Variants in MALRD1 observed in about 807,000 individuals in gnomAD.
The protein encoded by MALRD1 is MAM and LDL-receptor class A domain-containing protein 1.
In MALRD1, 247 loss-of-function variants were observed where a neutral mutation model predicts 242.1. That is an observed-to-expected ratio of 1.02 (90% confidence interval 0.92 to 1.13). MALRD1 has a LOEUF of 1.13. Among genes scored for constraint, MALRD1 ranks in the 50% most tolerant of loss-of-function variants. The pLI is 0.00. For synonymous variants in MALRD1, 995 were observed against 866.6 expected (o/e 1.15, Z -2.60); for missense variants, 2,989 against 2,533.1 (o/e 1.18, Z -3.86).
intron 18 of MALRD1, among the ~76,000 whole-genome samples, chr10:19,224,221 C>CT (rs1017914399): frequency 1.3e-4 from 19 of 151,410 alleles, no homozygotes; most frequent in Non-Finnish European, 2.4e-4. Context: ...TGTTTCCTGA[C>CT]TTTTTAATGA....
chr10:19,543,827 G>A (rs992290191), intron 32 of MALRD1, among the ~76,000 whole-genome samples: 1 of 152,118 alleles, frequency 6.6e-6, no homozygotes, highest in African/African-American at 2.4e-5. Flanking sequence ...GCTAAATGAA[G>A]TGTATATTCA....
intron 33 of MALRD1, among the ~76,000 whole-genome samples, chr10:19,581,873 C>T (rs1589264212): frequency 6.6e-6 from 1 of 152,086 alleles, no homozygotes; most frequent in East Asian, 1.9e-4. Context: ...ACATCCTCTC[C>T]AGCACCTGTT....
chr10:19,620,778 A>G lies in MALRD1; in HGVS notation c.6137+4855A>G, dbSNP rs181151752. Among the ~76,000 whole-genome samples, 313 of 152,164 alleles carry G rather than the reference A, an allele frequency of 2.1e-3. 2 individuals are homozygous for G. The highest frequency in any genetic ancestry group is 6.2e-3 in the African/African-American group (257 of 41,566). On this transcript the variant is annotated intron_variant, in intron 36 of 39. Coordinates refer to ENST00000454679, the MANE Select transcript of MALRD1 (RefSeq NM_001142308.3). ...CAAAATAAATGATGAGTGAATGTAA[A>G]GTCCTGAAATTTCAAAGAAAAGCAT...
At chr10:19,344,109 T>C (rs1844001833) in intron 24 of MALRD1, among the ~76,000 whole-genome samples, 1 of 152,114 alleles carries the variant, frequency 6.6e-6, no homozygotes, top group Non-Finnish European at 1.5e-5. Flanking sequence ...CTTTGGGTTG[T>C]CTTTTTTGTT....
At chr10:19,674,324 G>A (rs758229373) in intron 36 of MALRD1, among the ~76,000 whole-genome samples, 1 of 152,216 alleles carries the variant, frequency 6.6e-6, no homozygotes, top group Middle Eastern at 3.4e-3. Context: ...ATGATTACTC[G>A]GTAGCCAACA....
Position 19,531,349 on chromosome 10 carries a change from A to C in MALRD1, c.5476A>C (p.Lys1826Gln). 6.5e-7 allele frequency: 1 copy of C among 1,527,166 alleles called. No individual in the cohort carries two copies. The highest frequency in any genetic ancestry group is 8.8e-7 in the Non-Finnish European group (1 of 1,131,702). 94.6% of individuals were successfully genotyped at this position (1,527,166 alleles called of 1,614,324 possible). ...TGATCCCAGGAGTATGGGAATATTA[A>C]AGGTACAAAAGGAAGCCAGAGATTT... ...MIDPRSMGILKVYTIEESGLN... is the reference protein window; with the variant it reads ...MIDPRSMGILQVYTIEESGLN... The change falls in exon 32 of 40, where the codon AAG becomes CAG. Residue 1826 changes from lysine (K) to glutamine (Q), a missense_variant and splice_region_variant. By Grantham distance (53) the Lys-to-Gln change is moderately conservative (BLOSUM62 1). Transcript: ENST00000454679.
chr10:19,597,380 T>G (rs757443896), intron 34 of MALRD1, among the ~76,000 whole-genome samples: 35 of 152,100 alleles, frequency 2.3e-4, no homozygotes, highest in Non-Finnish European at 1.2e-4. Flanking sequence ...CATTGGAAAA[T>G]TGGAGTTTGC....
chr10:19,422,824 T>TATAGAAGAGCCAAA (rs1199258946), intron 28 of MALRD1, among the ~76,000 whole-genome samples: 1 of 152,208 alleles, frequency 6.6e-6, no homozygotes, highest in Admixed American at 6.5e-5. Flanking sequence ...AAGTGCTAAA[T>TATAGAAGAGCCAAA]AATGATAGCA....
chr10:19,693,030 C>T (rs1833176991), intron 38 of MALRD1, among the ~76,000 whole-genome samples: 1 of 151,874 alleles, frequency 6.6e-6, no homozygotes, highest in African/African-American at 2.4e-5. Flanking sequence ...AACAGCCCTT[C>T]ATGCTAAAAA....
At chr10:19,323,178 G>A (rs1347241381) in intron 21 of MALRD1, among the ~76,000 whole-genome samples, 1 of 152,122 alleles carries the variant, frequency 6.6e-6, no homozygotes, top group Non-Finnish European at 1.5e-5. Context: ...AATATAGAGA[G>A]AGTAAATTTG....
intron 24 of MALRD1, 31 bp from the exon 25 acceptor site, chr10:19,347,740 T>C (rs1455825757): frequency 2.6e-6 from 4 of 1,545,832 alleles, no homozygotes. Context: ...ATTTCCATTT[T>C]CTGTAACATA....
Position 19,651,386 on chromosome 10 carries a change from A to G in MALRD1, c.6137+35463A>G, listed in dbSNP as rs916108395. ...TTTCATCCCTCAACTATGTGTCTTT[A>G]GAAAACAATATAAATAATGATTTAA... On this transcript the variant is annotated intron_variant, in intron 36 of 39. Coordinates refer to ENST00000454679, the MANE Select transcript of MALRD1 (RefSeq NM_001142308.3). 3.0e-4 allele frequency among the ~76,000 whole-genome samples: 46 copies of G among 152,200 alleles called. 2 individuals carry two copies. The highest frequency in any genetic ancestry group is 5.9e-5 in the Non-Finnish European group (4 of 68,034).
At chr10:19,573,425 G>A (rs543165065) in intron 33 of MALRD1, among the ~76,000 whole-genome samples, 92 of 152,176 alleles carry the variant, frequency 6.0e-4, no homozygotes, top group Non-Finnish European at 1.2e-3. Context: ...GAGACAGCAA[G>A]GAAGTGGTCT....
At chr10:19,718,938 A>G (rs1834553108) in intron 38 of MALRD1, among the ~76,000 whole-genome samples, 1 of 151,536 alleles carries the variant, frequency 6.6e-6, no homozygotes, top group Admixed American at 6.6e-5. Flanking sequence ...AGGCCAAGGC[A>G]GGAGGATTGC....
At chr10:19,545,866 C>T (rs3844357) in intron 32 of MALRD1, among the ~76,000 whole-genome samples, 129,463 of 152,120 alleles carry the variant, frequency 0.85, 55,091 homozygotes, top group Admixed American at 0.86. Context: ...TCCTATTCAC[C>T]TTTTGGTCTT....
At chr10:19,612,198 A>T (rs4748603) in intron 35 of MALRD1, among the ~76,000 whole-genome samples, 134,611 of 151,924 alleles carry the variant, frequency 0.89, 59,755 homozygotes, top group Admixed American at 0.92. Flanking sequence ...TTATACCAAT[A>T]TGTGCTTTAT....
chr10:19,593,289 A>G (rs140286626), intron 33 of MALRD1, among the ~76,000 whole-genome samples: 42 of 152,310 alleles, frequency 2.8e-4, no homozygotes, highest in African/African-American at 9.4e-4. Context: ...ACTTATTTCT[A>G]CAAACATAGG....
rs1190622640 is a variant in MALRD1, at chr10:19,108,414, T to TCTCA, written c.694+4339_694+4340insCTCA. 1.9e-3 allele frequency among the ~76,000 whole-genome samples: 26 copies of TCTCA among 13,560 alleles called. 1 individual carries two copies. Among genetic ancestry groups the TCTCA allele is most frequent in the Admixed American group, 4.5e-3 (5 of 1,122 alleles). 8.9% of individuals were successfully genotyped at this position (13,560 alleles called of 152,430 possible). A position where few individuals can be genotyped will look rare whatever the true frequency, so the allele number is the denominator to read the frequency against. The stretch of plus-strand genomic sequence containing the variant: ...TTTTTTTTTTTTTTTTTTTTTTTTT[T>TCTCA]TTTTTTTTTTTAAGACGGAGTCTCG... On this transcript the variant is annotated intron_variant, in intron 5 of 39. Transcript: ENST00000454679.
In MALRD1 at chr10:19,136,693, C is replaced by T. The variant is rs990164744; in HGVS notation, c.1323C>T (p.Cys441=). ...RKLCSADEFP[C]TSGQCIAKES... ...TTTGCTCTGCAGACGAATTCCCTTG[C>T]ACTAGTGGCCAGTGCATCGCCAAAG... Residue 441 remains cysteine (C), a synonymous_variant, in exon 10 of 40, where the codon TGC becomes TGT. Transcript: ENST00000454679. 3.6e-5 allele frequency: 44 copies of T among 1,231,586 alleles called. No homozygotes were observed. The highest frequency in any genetic ancestry group is 3.8e-5 in the Non-Finnish European group (38 of 988,000). The allele number at this position is 1,231,586 out of a possible 1,614,324, so 76.3% of individuals were successfully genotyped here. A position where few individuals can be genotyped will look rare whatever the true frequency, so the allele number is the denominator to read the frequency against.
Sources: gnomAD v4.1 joint callset for allele counts (sites outside exome capture counted in the v4.1 genomes callset) on GRCh38, gnomAD v4.1.1 for gene constraint, MANE v1.5 for transcripts, NCBI Gene and HGNC (gene_info 2026-07-23, HGNC 2026-07-21) for gene names.